The following GNPTAB variants were observed in gnomAD, a reference collection of about 807,000 sequenced individuals.
GNPTAB encodes N-acetylglucosamine-1-phosphate transferase subunits alpha and beta.
A neutral mutation model predicts 136.6 loss-of-function variants in GNPTAB; 92 were observed. The ratio of observed to expected loss-of-function variants is 0.67; its 90% confidence interval spans 0.57 to 0.80. The LOEUF (loss-of-function observed/expected upper bound fraction) is 0.80, where lower values mean the gene tolerates loss of function less well. Ranked by LOEUF, GNPTAB falls within the 30% of genes least tolerant of loss-of-function variation. The pLI is 0.00. For missense variants in GNPTAB, 1,343 were observed against 1,501.8 expected (o/e 0.89, Z 1.75); for synonymous variants, 512 against 535.1 (o/e 0.96, Z 0.60).
At chr12:101,820,618 A>C (rs1870743515) in intron 1 of GNPTAB, among the ~76,000 whole-genome samples, 1 of 152,192 alleles carries the variant, frequency 6.6e-6, no homozygotes, top group Admixed American at 6.6e-5. Context: ...GCCATGCCCC[A>C]GCTGTATCAA....
At chr12:101,817,756 T>C (rs1413950106) in intron 1 of GNPTAB, among the ~76,000 whole-genome samples, 1 of 152,098 alleles carries the variant, frequency 6.6e-6, no homozygotes, top group African/African-American at 2.4e-5. Flanking sequence ...GCCCAGGAGT[T>C]CAAGACCAGT....
chr12:101,760,706 A>C (rs1195828180), intron 15 of GNPTAB, among the ~76,000 whole-genome samples: 3 of 152,212 alleles, frequency 2.0e-5, no homozygotes, highest in Admixed American at 6.5e-5. Flanking sequence ...GTAAATATTA[A>C]GAATTATTTT....
intron 11 of GNPTAB, among the ~76,000 whole-genome samples, chr12:101,767,025 G>T (rs1953104938): frequency 6.6e-6 from 1 of 152,140 alleles, no homozygotes; most frequent in African/African-American, 2.4e-5. Context: ...GACTTCTCTG[G>T]TCTACACAGA....
chr12:101,806,442 T>C (rs1364353043), intron 1 of GNPTAB, among the ~76,000 whole-genome samples: 2 of 152,172 alleles, frequency 1.3e-5, no homozygotes, highest in Non-Finnish European at 2.9e-5. Context: ...GGTTACAAAG[T>C]TCCTGTTTGG....
At chr12:101,770,236 T>G in intron 9 of GNPTAB, 45 bp from the exon 10 acceptor site, 1 of 1,601,410 alleles carries the variant, frequency 6.2e-7, no homozygotes, top group Non-Finnish European at 8.6e-7. Context: ...TGAGAGCTGT[T>G]TGGGTTTGGT....
intron 11 of GNPTAB, among the ~76,000 whole-genome samples, chr12:101,766,995 C>T (rs1213328636): frequency 6.6e-6 from 1 of 152,202 alleles, no homozygotes. Flanking sequence ...TTATCAAATG[C>T]TAATGTTCCA....
At chr12:101,822,784 AT>A (rs1253448739) in intron 1 of GNPTAB, among the ~76,000 whole-genome samples, 1 of 152,188 alleles carries the variant, frequency 6.6e-6, no homozygotes, top group Non-Finnish European at 1.5e-5. Context: ...GCCCACCTGA[AT>A]TTTCATCCAG....
intron 19 of GNPTAB, among the ~76,000 whole-genome samples, chr12:101,752,484 G>T (rs954132352): frequency 6.6e-6 from 1 of 152,144 alleles, no homozygotes; most frequent in Non-Finnish European, 1.5e-5. Context: ...AAAGTTTCCT[G>T]GTTGGTTATA....
At chr12:101,790,675 G>T (rs1333042725) in intron 2 of GNPTAB, among the ~76,000 whole-genome samples, 1 of 151,434 alleles carries the variant, frequency 6.6e-6, no homozygotes, top group Non-Finnish European at 1.5e-5. Context: ...GCTGAGGTGG[G>T]ACTACAGTGA....
rs967167706 is a variant in GNPTAB at position 101,770,178 on chromosome 12, T to C, written c.1127A>G (p.Asn376Ser). The change falls in exon 10 of 21, where the codon AAT becomes AGT. Residue 376 changes from asparagine (N) to serine (S), a missense_variant. By Grantham distance (46) the Asn-to-Ser change is conservative. Coordinates refer to ENST00000299314, the MANE Select transcript of GNPTAB (RefSeq NM_024312.5). ...TIVTHQDVFR[N>S]LSHLPTFSSP... ...ACTAAAGGTAGGCAAGTGGCTCAAA[T>C]TTCGAAAAACATCCTTTTAACAACA... 6.2e-6 allele frequency: 10 copies of C among 1,614,132 alleles called. No homozygotes were observed. The highest frequency in any genetic ancestry group is 8.5e-6 in the Non-Finnish European group (10 of 1,180,010).
In GNPTAB at chr12:101,761,753, G is replaced by A. The variant is rs1207898186; in HGVS notation, c.2726C>T (p.Ser909Leu). 1.2e-6 allele frequency: 2 copies of A among 1,611,078 alleles called. No homozygotes were observed. Among genetic ancestry groups the A allele is most frequent in the East Asian group, 2.2e-5 (1 of 44,860 alleles). The change falls in exon 14 of 21, where the codon TCA (serine) becomes TTA (leucine). Residue 909 changes from serine (S) to leucine (L), a missense_variant. By Grantham distance (145) the Ser-to-Leu change is moderately radical. Coordinates refer to ENST00000299314, the MANE Select transcript of GNPTAB (RefSeq NM_024312.5). ...GAAGTATGCCAATTGTGTCTTCAAT[G>A]ACTCTTCTTCCTGAAAAGAGAATTC... Reference protein sequence around the residue: ...YFQDLLDEEESLKTQLAYFTD... With the variant: ...YFQDLLDEEELLKTQLAYFTD...
chr12:101,756,998 G>A, intron 18 of GNPTAB: 2 of 513,404 alleles, frequency 3.9e-6, no homozygotes, highest in South Asian at 5.7e-5. Flanking sequence ...GTTATTAATA[G>A]AACCCAGTTC....
chr12:101,806,631 A>C (rs1869949295), intron 1 of GNPTAB, among the ~76,000 whole-genome samples: 1 of 152,202 alleles, frequency 6.6e-6, no homozygotes, highest in African/African-American at 2.4e-5. Context: ...CCCCCTAAAA[A>C]ATTAAGGAGC....
chr12:101,775,680 C>T (rs931457196), intron 7 of GNPTAB, among the ~76,000 whole-genome samples: 17 of 151,888 alleles, frequency 1.1e-4, no homozygotes, highest in African/African-American at 3.6e-4. Flanking sequence ...GATCTTAATA[C>T]GTCCTGGTGG....
At chr12:101,821,911 CAGA>C (rs1566101819) in intron 1 of GNPTAB, among the ~76,000 whole-genome samples, 2 of 152,138 alleles carry the variant, frequency 1.3e-5, no homozygotes, top group South Asian at 2.1e-4. Flanking sequence ...AAAGAACCAG[CAGA>C]AGGTCACCCT....
chr12:101,775,099 T>G (rs1156426615), intron 7 of GNPTAB, among the ~76,000 whole-genome samples: 1 of 152,206 alleles, frequency 6.6e-6, no homozygotes, highest in Non-Finnish European at 1.5e-5. Flanking sequence ...GTCTAAACTG[T>G]GAATGGTGCA....
At chr12:101,818,566 T>C (rs1870632657) in intron 1 of GNPTAB, among the ~76,000 whole-genome samples, 1 of 151,988 alleles carries the variant, frequency 6.6e-6, no homozygotes, top group Non-Finnish European at 1.5e-5. Context: ...TTAGTAGAGA[T>C]GAGGTTTCAC....
At position 101,768,105 on chromosome 12, in the gene GNPTAB, A is replaced by G. The variant is rs751953595; in HGVS notation, c.1340T>C (p.Ile447Thr). The G allele has an allele frequency of 1.2e-6, 2 of 1,614,150 alleles. No homozygotes were observed. The change falls in exon 11 of 21, where the codon ATT (isoleucine) becomes ACT (threonine). Residue 447 changes from isoleucine (I) to threonine (T), a missense_variant. Transcript: ENST00000299314. ...AGCCTTGTCACAATAGCCATCCTTA[A>G]TCCAGGAACCTGGGCAGCCCTCGGC... ...NCAEGCPGSW[I>T]KDGYCDKACN...
At chr12:101,814,229 G>A (rs1870393858) in intron 1 of GNPTAB, among the ~76,000 whole-genome samples, 1 of 151,974 alleles carries the variant, frequency 6.6e-6, no homozygotes, top group Non-Finnish European at 1.5e-5. Flanking sequence ...AACACAGGAG[G>A]CAGAGGCTGC....
Sources: allele counts gnomAD v4.1 joint callset (sites outside exome capture counted in the v4.1 genomes callset), GRCh38; gene constraint gnomAD v4.1.1; transcripts MANE v1.5; gene names NCBI Gene and HGNC (gene_info 2026-07-23, HGNC 2026-07-21).